Variants in AUTS2 observed in about 807,000 individuals in gnomAD.
AUTS2 encodes autism susceptibility gene 2 protein.
A neutral mutation model predicts 112.4 loss-of-function variants in AUTS2; 17 were observed. That is an observed-to-expected ratio of 0.15 (90% CI 0.10 to 0.23). The LOEUF is 0.23. Ranked by LOEUF, AUTS2 falls within the 10% of genes least tolerant of loss-of-function variation. AUTS2 has a pLI of 1.00. For synonymous variants in AUTS2, 751 were observed against 702.7 expected, an observed-to-expected ratio of 1.07 and a Z score of -1.09; for missense variants, 1,510 against 1,701.6, an observed-to-expected ratio of 0.89 and a Z score of 1.98.
At chr7:69,950,475 C>A (rs746446956) in intron 2 of AUTS2, among the ~76,000 whole-genome samples, 8 of 152,084 alleles carry the variant, frequency 5.3e-5, no homozygotes, top group Non-Finnish European at 1.2e-4. Context: ...TATGCACTGG[C>A]AGATTTGGAG....
At chr7:70,226,097 A>C (rs1328454226) in intron 4 of AUTS2, among the ~76,000 whole-genome samples, 1 of 152,198 alleles carries the variant, frequency 6.6e-6, no homozygotes, top group Non-Finnish European at 1.5e-5. Flanking sequence ...ATGGCAGAAC[A>C]TTTATGTCAT....
At chr7:70,493,554 A>G (rs562725366) in intron 5 of AUTS2, among the ~76,000 whole-genome samples, 1 of 152,192 alleles carries the variant, frequency 6.6e-6, no homozygotes, top group South Asian at 2.1e-4. Context: ...GATTACTTCT[A>G]TAATTCATCA....
chr7:69,756,710 G>A (rs566572402), intron 1 of AUTS2, among the ~76,000 whole-genome samples: 5 of 152,100 alleles, frequency 3.3e-5, no homozygotes, highest in Admixed American at 2.6e-4. Flanking sequence ...GTAACTACCA[G>A]TTTTTATCAG....
intron 5 of AUTS2, among the ~76,000 whole-genome samples, chr7:70,638,581 C>T (rs1412820768): frequency 6.6e-6 from 1 of 151,556 alleles, no homozygotes; most frequent in Non-Finnish European, 1.5e-5. Flanking sequence ...AGTTAACCTC[C>T]ATAAAGGACT....
chr7:69,694,622 A>T (rs1481852278), intron 1 of AUTS2, among the ~76,000 whole-genome samples: 1 of 152,202 alleles, frequency 6.6e-6, no homozygotes, highest in Non-Finnish European at 1.5e-5. Context: ...CTATTCAGGA[A>T]CAAAGAATAG....
chr7:69,791,527 G>C (rs1367179873), intron 1 of AUTS2, among the ~76,000 whole-genome samples: 3 of 152,160 alleles, frequency 2.0e-5, no homozygotes, highest in Non-Finnish European at 2.9e-5. Context: ...AAAATGGAAG[G>C]CTTCTAATTT....
At chr7:70,433,756 C>G (rs1795773330) in intron 4 of AUTS2, among the ~76,000 whole-genome samples, 2 of 152,160 alleles carry the variant, frequency 1.3e-5, no homozygotes, top group Non-Finnish European at 2.9e-5. Context: ...TTCTAATCCT[C>G]CAGTCTATAA....
intron 1 of AUTS2, among the ~76,000 whole-genome samples, chr7:69,630,811 G>A (rs1288216458): frequency 6.6e-6 from 1 of 152,104 alleles, no homozygotes; most frequent in African/African-American, 2.4e-5. Context: ...CTCTTGGAGT[G>A]GGACCCAGAA....
chr7:70,566,449 T>G (rs1801712192), intron 5 of AUTS2, among the ~76,000 whole-genome samples: 1 of 152,236 alleles, frequency 6.6e-6, no homozygotes, highest in Non-Finnish European at 1.5e-5. Context: ...TTTATATGTG[T>G]ATAATCTTAG....
At chr7:69,987,448 G>A (rs920273873) in intron 2 of AUTS2, among the ~76,000 whole-genome samples, 1 of 152,126 alleles carries the variant, frequency 6.6e-6, no homozygotes, top group Non-Finnish European at 1.5e-5. Flanking sequence ...TAATTATGGA[G>A]GACAATATGT....
intron 4 of AUTS2, among the ~76,000 whole-genome samples, chr7:70,261,807 T>C (rs1286920417): frequency 6.6e-6 from 1 of 152,116 alleles, no homozygotes; most frequent in Non-Finnish European, 1.5e-5. Flanking sequence ...CTATAGGGAG[T>C]AGGAAAGCAG....
intron 1 of AUTS2, among the ~76,000 whole-genome samples, chr7:69,600,682 TATA>T (rs1221441445): frequency 4.6e-5 from 7 of 151,500 alleles, no homozygotes; most frequent in Non-Finnish European, 8.8e-5. Context: ...AAGGGTTAAT[TATA>T]ATATTATCTA....
At chr7:70,555,971 AT>A (rs1801232051) in intron 5 of AUTS2, among the ~76,000 whole-genome samples, 1 of 151,800 alleles carries the variant, frequency 6.6e-6, no homozygotes, top group Non-Finnish European at 1.5e-5. Flanking sequence ...TGCCCGGCTA[AT>A]TTTTTTGTAT....
chr7:70,223,342 A>G (rs1381486083), intron 4 of AUTS2, among the ~76,000 whole-genome samples: 2 of 152,220 alleles, frequency 1.3e-5, no homozygotes, highest in African/African-American at 4.8e-5. Flanking sequence ...CATGTGCCGT[A>G]TAGTGATGTT....
intron 1 of AUTS2, among the ~76,000 whole-genome samples, chr7:69,887,862 C>A (rs1286674107): frequency 6.6e-6 from 1 of 152,106 alleles, no homozygotes; most frequent in Non-Finnish European, 1.5e-5. Context: ...CATTCATTGG[C>A]CTCTTTCATT....
intron 5 of AUTS2, among the ~76,000 whole-genome samples, chr7:70,642,579 A>G (rs59129900): frequency 0.13 from 19,418 of 152,120 alleles, 2,857 homozygotes; most frequent in African/African-American, 0.36. Context: ...TTCTCCATCC[A>G]AGCCTCAGCT....
intron 5 of AUTS2, among the ~76,000 whole-genome samples, chr7:70,657,971 T>C (rs1024104763): frequency 2.6e-5 from 4 of 152,200 alleles, no homozygotes; most frequent in African/African-American, 9.6e-5. Flanking sequence ...TCTTTTTCCC[T>C]GTTCACACGG....
At chr7:69,918,878 A>C (rs1795696791) in intron 2 of AUTS2, among the ~76,000 whole-genome samples, 1 of 152,160 alleles carries the variant, frequency 6.6e-6, no homozygotes, top group African/African-American at 2.4e-5. Flanking sequence ...AGCTTTTTTT[A>C]AACAATATTT....
intron 4 of AUTS2, among the ~76,000 whole-genome samples, chr7:70,412,859 C>T (rs74994417): frequency 0.071 from 10,801 of 152,134 alleles, 472 homozygotes; most frequent in East Asian, 0.14. Flanking sequence ...GCCATGCTGG[C>T]GTGCGCCTGT....
Sources: gnomAD v4.1 joint callset for allele counts (sites outside exome capture counted in the v4.1 genomes callset) on GRCh38, gnomAD v4.1.1 for gene constraint, MANE v1.5 for transcripts, NCBI Gene and HGNC (gene_info 2026-07-23, HGNC 2026-07-21) for gene names.